Variants in DYNC2H1 observed in about 807,000 individuals in gnomAD.
The protein encoded by DYNC2H1 is cytoplasmic dynein 2 heavy chain 1.
A neutral mutation model predicts 570.0 loss-of-function variants in DYNC2H1; 410 were observed. That is an observed-to-expected ratio of 0.72 (90% CI 0.66 to 0.78). The LOEUF is 0.78. DYNC2H1 is among the 30% of genes least tolerant of loss of function. The probability of loss-of-function intolerance (pLI) is 0.00; values close to 1 mark genes in which losing one functional copy is unlikely to be tolerated. For missense variants in DYNC2H1, 4,865 were observed against 5,046.4 expected, an observed-to-expected ratio of 0.96 and a Z score of 1.09; for synonymous variants, 1,688 against 1,677.6, an observed-to-expected ratio of 1.01 and a Z score of -0.15.
Position 103,222,154 on chromosome 11 carries a change from G to C in DYNC2H1, c.9231+1G>C. Reference sequence around the variant, plus strand: ...AAATAAAGGCTCTTTTGATCCAAAGGTAATTTTTAAGTTATACTATAAATT... The same window carrying C: ...AAATAAAGGCTCTTTTGATCCAAAGCTAATTTTTAAGTTATACTATAAATT... On this transcript the variant is annotated splice_donor_variant, in intron 58 of 88. Transcript: ENST00000375735. LOFTEE classifies it high-confidence loss of function. The C allele has an allele frequency of 6.5e-7, 1 of 1,530,828 alleles. No individual in the cohort carries two copies. The allele number at this position is 1,530,828 out of a possible 1,614,324, so 94.8% of individuals were successfully genotyped here.
intron 10 of DYNC2H1, 72 bp downstream of exon 10, chr11:103,121,568 C>A: frequency 6.8e-7 from 1 of 1,470,528 alleles, no homozygotes; most frequent in Non-Finnish European, 9.2e-7. Context: ...AGAAGGTACT[C>A]TAGAGCTGTA....
At position 103,204,043 on chromosome 11, in the gene DYNC2H1, C is replaced by G. The variant is rs1210616334; in HGVS notation, c.8311+267C>G. ...TATTGGACTCACAGTTCCCACATGGCTGGGGAGGCCTCACAATCATGGTGG... is the reference window on the plus strand; with the variant it reads ...TATTGGACTCACAGTTCCCACATGGGTGGGGAGGCCTCACAATCATGGTGG... On this transcript the variant is annotated intron_variant, in intron 51 of 88. Coordinates refer to ENST00000375735, the MANE Select transcript of DYNC2H1 (RefSeq NM_001377.3). This position sits in a 1 kb window ranked among gnomAD's most constrained non-coding sequence, Gnocchi z 4.1. Among the ~76,000 whole-genome samples, 1 of 152,036 alleles carries G rather than the reference C, an allele frequency of 6.6e-6. No homozygotes were observed. Among genetic ancestry groups the G allele is most frequent in the Non-Finnish European group, 1.5e-5 (1 of 68,012 alleles).
At chr11:103,444,276 A>T (rs1944359453) in intron 85 of DYNC2H1, among the ~76,000 whole-genome samples, 1 of 151,964 alleles carries the variant, frequency 6.6e-6, no homozygotes. Flanking sequence ...TTGCTATACT[A>T]AACACATAGT....
chr11:103,197,997 A>G lies in DYNC2H1; in HGVS notation c.7773A>G (p.Pro2591=). 4 of 1,562,364 alleles carry G rather than the reference A, an allele frequency of 2.6e-6. No individual in the cohort carries two copies. The highest frequency in any genetic ancestry group is 3.5e-6 in the Non-Finnish European group (4 of 1,152,460). ...GAGCAAGGGCAGCCCCAGGACAACC[A>G]TTACCTCCACATGGAAAACCACTTG... is the stretch of plus-strand genomic sequence containing the variant. ...NSGARAAPGQ[P]LPPHGKPLGK... The change falls in exon 48 of 89, where the codon CCA becomes CCG. Residue 2591 remains proline, a synonymous_variant. Transcript: ENST00000375735.
intron 84 of DYNC2H1, among the ~76,000 whole-genome samples, chr11:103,426,635 A>G (rs1943682644): frequency 1.3e-5 from 2 of 152,330 alleles, no homozygotes; most frequent in South Asian, 2.1e-4. Flanking sequence ...TTCAACATCC[A>G]TGCACATAAA....
At chr11:103,392,136 G>C (rs185277442) in intron 83 of DYNC2H1, among the ~76,000 whole-genome samples, 1 of 152,208 alleles carries the variant, frequency 6.6e-6, no homozygotes, top group East Asian at 1.9e-4. Context: ...CTTGAGCTGC[G>C]GTGGACTCCA....
At chr11:103,291,448 T>TAAA (rs1413879630) in intron 75 of DYNC2H1, among the ~76,000 whole-genome samples, 1 of 151,990 alleles carries the variant, frequency 6.6e-6, no homozygotes, top group Admixed American at 6.6e-5. Flanking sequence ...AATAAATAAA[T>TAAA]AAATAAATAA....
intron 75 of DYNC2H1, among the ~76,000 whole-genome samples, chr11:103,301,947 T>G (rs952134559): frequency 6.6e-6 from 1 of 151,986 alleles, no homozygotes; most frequent in African/African-American, 2.4e-5. Context: ...TCGTTTATTT[T>G]TAAACTCCTG....
At chr11:103,287,817 G>A in intron 75 of DYNC2H1, 1 of 478,526 alleles carries the variant, frequency 2.1e-6, no homozygotes, top group Non-Finnish European at 3.7e-6. Flanking sequence ...GGTTCAACTT[G>A]CCTGCTGCCT....
chr11:103,310,040 TTATATG>T (rs1192036216), intron 78 of DYNC2H1, among the ~76,000 whole-genome samples: 10 of 152,196 alleles, frequency 6.6e-5, no homozygotes, highest in African/African-American at 4.8e-5. Context: ...TTCAAAATGA[TTATATG>T]TATGTGCATA....
rs572356158 is a variant in DYNC2H1 at position 103,445,780 on chromosome 11, C to T, written c.12457-9406C>T. 5.9e-4 allele frequency among the ~76,000 whole-genome samples: 90 copies of T among 152,160 alleles called. 1 individual carries two copies. The East Asian group carries it at 0.012, about 21-fold the overall frequency. ...CATTCTCCTGCCTCAGCCTCCCTAG[C>T]AGCTGGGACTACAGGCGCACACCAT... is the stretch of plus-strand genomic sequence containing the variant. On this transcript the variant is annotated intron_variant, in intron 85 of 88. Transcript: ENST00000375735.
chr11:103,255,202 A>C lies in DYNC2H1; in HGVS notation c.10207-213A>C, dbSNP rs139263073. Among the ~76,000 whole-genome samples the C allele has an allele frequency of 4.7e-3, 717 of 152,286 alleles. 6 individuals are homozygous for C. The highest frequency in any genetic ancestry group is 0.016 in the African/African-American group (661 of 41,568). ...CACTTTCTTACAGCTTTTCTACAGT[A>C]GTTAATATTTTACTGATCAGCTTAA... is the stretch of plus-strand genomic sequence containing the variant. On this transcript the variant is annotated intron_variant, in intron 66 of 88. Coordinates refer to ENST00000375735, the MANE Select transcript of DYNC2H1 (RefSeq NM_001377.3).
chr11:103,354,267 T>C (rs968478112), intron 82 of DYNC2H1, among the ~76,000 whole-genome samples: 26 of 151,896 alleles, frequency 1.7e-4, no homozygotes, highest in African/African-American at 5.5e-4. Context: ...ACTCTACCCT[T>C]GTTTGCATTC....
intron 83 of DYNC2H1, among the ~76,000 whole-genome samples, chr11:103,396,964 G>A (rs779022439): frequency 3.3e-5 from 5 of 152,134 alleles, no homozygotes; most frequent in Non-Finnish European, 7.3e-5. Flanking sequence ...TAGATATGGG[G>A]CACTGTAAAA....
At chr11:103,168,727 A>G (rs1391415282) in intron 31 of DYNC2H1, 28 bp from the exon 32 acceptor site, 1 of 1,601,926 alleles carries the variant, frequency 6.2e-7, no homozygotes, top group African/African-American at 1.3e-5. Flanking sequence ...CATTTTCTCC[A>G]ATTGTCAATA....
chr11:103,198,760 G>C (rs1862602006), intron 48 of DYNC2H1, among the ~76,000 whole-genome samples: 1 of 151,478 alleles, frequency 6.6e-6, no homozygotes, highest in African/African-American at 2.4e-5. Flanking sequence ...CTATCAGGTA[G>C]TCCCTGGCAG....
At chr11:103,158,381 G>A (rs1044403537) in intron 26 of DYNC2H1, among the ~76,000 whole-genome samples, 7 of 152,098 alleles carry the variant, frequency 4.6e-5, no homozygotes, top group Non-Finnish European at 5.9e-5. Flanking sequence ...CCCAGGAGGC[G>A]GAGTTTGCAG....
Position 103,157,404 on chromosome 11 carries a change from C to A in DYNC2H1, c.4127+634C>A, listed in dbSNP as rs1860887368. 6.6e-6 allele frequency among the ~76,000 whole-genome samples: 1 copy of A among 152,238 alleles called. No homozygotes were observed. Among genetic ancestry groups the A allele is most frequent in the Admixed American group, 6.5e-5 (1 of 15,288 alleles). ...CTCAAATAGTAGGCTAAAACTGAATCCATGAGCTTAATTTACCAGTTCCTT... is the reference window on the plus strand; with the variant it reads ...CTCAAATAGTAGGCTAAAACTGAATACATGAGCTTAATTTACCAGTTCCTT... On this transcript the variant is annotated intron_variant, in intron 26 of 88. Transcript: ENST00000375735. The surrounding 1 kb of genome is among the most constrained non-coding windows in gnomAD (Gnocchi z 4.2).
In DYNC2H1 at chr11:103,156,634, A is replaced by C; in HGVS notation, c.3991A>C (p.Lys1331Gln). ...AGATAAAGTATCAATTTGGGAAAGA[A>C]AACTTGCAGAGTTAGATGAATACCT... ...FEDKVSIWER[K>Q]LAELDEYLQN... The change falls in exon 26 of 89, where the codon AAA becomes CAA. Residue 1331 changes from lysine to glutamine, a missense_variant. By Grantham distance (53) the Lys-to-Gln change is moderately conservative. Around this residue, in one of 5 missense-constraint regions of DYNC2H1, gnomAD observed 1,936 missense variants for 1,962.1 expected, o/e 0.99. Transcript: ENST00000375735. The C allele has an allele frequency of 6.2e-7, 1 of 1,613,616 alleles. No homozygotes were observed. The highest frequency in any genetic ancestry group is 8.5e-7 in the Non-Finnish European group (1 of 1,179,676).
Sources: allele counts gnomAD v4.1 joint callset (sites outside exome capture counted in the v4.1 genomes callset), GRCh38; gene constraint gnomAD v4.1.1; regional missense constraint gnomAD v4.1.1; non-coding constraint Gnocchi (gnomAD v3.1); transcripts MANE v1.5; gene names NCBI Gene and HGNC (gene_info 2026-07-23, HGNC 2026-07-21).